Variants in MAP7D3 observed in about 807,000 individuals in gnomAD.
MAP7D3 encodes MAP7 domain containing 3.
In MAP7D3, 45 loss-of-function variants were observed where a neutral mutation model predicts 62.2. The observed-to-expected ratio is 0.72, with a 90% CI of 0.57 to 0.93. MAP7D3 has a LOEUF of 0.93. Ranked by LOEUF, MAP7D3 falls within the 40% of genes least tolerant of loss-of-function variation. MAP7D3 has a pLI of 0.00. For synonymous variants in MAP7D3, 288 were observed against 248.8 expected, an observed-to-expected ratio of 1.16 and a Z score of -1.48; for missense variants, 711 against 683.1, an observed-to-expected ratio of 1.04 and a Z score of -0.45.
At chrX:136,256,127 T>C, upstream of MAP7D3, 1 of 749,416 alleles carries the variant, frequency 1.3e-6, no homozygotes, top group Non-Finnish European at 1.6e-6. Flanking sequence ...GACAAGGCTC[T>C]GGTTTTGTGT....
chrX:136,226,534 A>G (rs549904081), intron 12 of MAP7D3, among the ~76,000 whole-genome samples: 1 of 112,060 alleles, frequency 8.9e-6, no homozygotes, highest in Admixed American at 9.5e-5. Context: ...TTGACTTTAG[A>G]TAGATGAGAC....
intron 1 of MAP7D3, among the ~76,000 whole-genome samples, chrX:136,250,837 G>A (rs2074497306): frequency 9.0e-6 from 1 of 111,559 alleles, no homozygotes; most frequent in Non-Finnish European, 1.9e-5. Flanking sequence ...GCGCCGGCGC[G>A]CGGAGTCCCT....
At position 136,217,387 on chromosome X, in the gene MAP7D3, A is replaced by C. The variant is rs758829146; in HGVS notation, c.*1139T>G. 2.7e-5 allele frequency: 3 copies of C among 111,862 alleles called. No individual in the cohort carries two copies. Among genetic ancestry groups the C allele is most frequent in the Non-Finnish European group, 5.6e-5 (3 of 53,147 alleles). 9.2% of individuals were successfully genotyped at this position (111,862 alleles called of 1,213,427 possible). ...AATTAAACATACCCCACGGGACAAC[A>C]GCCATATACTCCTTTATGTACACAA... On this transcript the variant is annotated 3_prime_UTR_variant, in exon 19 of 19. Coordinates refer to ENST00000316077, the MANE Select transcript of MAP7D3 (RefSeq NM_024597.4).
intron 4 of MAP7D3, among the ~76,000 whole-genome samples, 169 bp from the exon 5 acceptor site, chrX:136,241,446 C>A (rs1334871965): frequency 9.0e-6 from 1 of 111,595 alleles, no homozygotes; most frequent in Non-Finnish European, 1.9e-5. Flanking sequence ...TCCTAAATAA[C>A]TCATTTTTTT....
chrX:136,253,878 C>T (rs1377293783), upstream of MAP7D3, among the ~76,000 whole-genome samples: 2 of 109,217 alleles, frequency 1.8e-5, no homozygotes, highest in Admixed American at 1.9e-4. Context: ...TGTAGTGGCA[C>T]ATGCCTGTAA....
Position 136,241,813 on chromosome X carries a change from A to G in MAP7D3, c.418-536T>C, listed in dbSNP as rs773875025. On this transcript the variant is annotated intron_variant, in intron 4 of 18. Transcript: ENST00000316077. ...AGCTAAAATTCTGGTGTTAACTAAT[A>G]AAAATAAAGTTTCAAAAAAGATAAT... 6.2e-4 allele frequency among the ~76,000 whole-genome samples: 69 copies of G among 111,457 alleles called. 1 individual carries two copies. Among genetic ancestry groups the G allele is most frequent in the African/African-American group, 2.2e-3 (67 of 30,717 alleles).
intron 2 of MAP7D3, 36 bp from the exon 3 acceptor site, chrX:136,246,184 A>G (rs777747854): frequency 3.5e-6 from 4 of 1,128,472 alleles, no homozygotes; most frequent in Non-Finnish European, 2.4e-6. Flanking sequence ...TATTAATAGG[A>G]TATCAAATTT....
intron 10 of MAP7D3, 87 bp from the exon 11 acceptor site, chrX:136,228,845 AAT>A (rs768732820): frequency 5.6e-5 from 42 of 743,555 alleles, no homozygotes; most frequent in Admixed American, 1.1e-4. Flanking sequence ...AAAACATTAA[AAT>A]ATATATATAT....
At chrX:136,239,719 T>A (rs1279946088) in intron 6 of MAP7D3, among the ~76,000 whole-genome samples, 1 of 112,581 alleles carries the variant, frequency 8.9e-6, no homozygotes, top group African/African-American at 3.2e-5. Flanking sequence ...TAATGGAAAT[T>A]GAATAACTGT....
intron 9 of MAP7D3, 69 bp downstream of exon 9, chrX:136,230,770 A>G (rs2074257321): frequency 1.0e-5 from 11 of 1,100,145 alleles, no homozygotes; most frequent in Non-Finnish European, 1.2e-5. Context: ...TATTTCACTC[A>G]TCAAACATTG....
chrX:136,219,914 G>A (rs989062116), intron 16 of MAP7D3, among the ~76,000 whole-genome samples: 1 of 111,265 alleles, frequency 9.0e-6, no homozygotes, highest in African/African-American at 3.3e-5. Flanking sequence ...TAAGCACGCA[G>A]GACTCCAGAA....
chrX:136,244,209 T>A (rs1031663983), intron 4 of MAP7D3, among the ~76,000 whole-genome samples: 10 of 111,247 alleles, frequency 9.0e-5, no homozygotes, highest in Non-Finnish European at 1.3e-4. Flanking sequence ...GTCACACTTT[T>A]AAAGGAGTTG....
chrX:136,227,772 T>G (rs1344353310), intron 11 of MAP7D3, among the ~76,000 whole-genome samples: 1 of 111,121 alleles, frequency 9.0e-6, no homozygotes, highest in Non-Finnish European at 1.9e-5. Context: ...ACACCCAATC[T>G]CTCGTGGGGG....
At chrX:136,226,326 C>G (rs1245135640) in intron 12 of MAP7D3, among the ~76,000 whole-genome samples, 1 of 111,319 alleles carries the variant, frequency 9.0e-6, no homozygotes, top group Non-Finnish European at 1.9e-5. Context: ...GAGCCAACAG[C>G]CTGACATTTC....
At chrX:136,229,003 C>A in intron 10 of MAP7D3, 1 of 200,578 alleles carries the variant, frequency 5.0e-6, no homozygotes, top group Non-Finnish European at 9.0e-6. Flanking sequence ...TGTACTTCTA[C>A]TTTCGTTTTA....
intron 1 of MAP7D3, among the ~76,000 whole-genome samples, chrX:136,246,800 G>A (rs908776998): frequency 5.3e-5 from 6 of 112,409 alleles, no homozygotes; most frequent in Non-Finnish European, 1.1e-4. Flanking sequence ...AGTGTTAACA[G>A]TGAAATACTC....
At chrX:136,233,433 C>A (rs1267578423) in intron 7 of MAP7D3, among the ~76,000 whole-genome samples, 2 of 107,408 alleles carry the variant, frequency 1.9e-5, no homozygotes, top group African/African-American at 3.4e-5. Flanking sequence ...TGCCACCACA[C>A]CCGGAAAATT....
rs758794142 is a variant in MAP7D3 at position 136,242,290 on chromosome X, T to C, written c.418-1013A>G. ...AAAAACAAAGATTAACTTTGTATTA[T>C]TAAACTATTTCTGATTCTATTCCAC... On this transcript the variant is annotated intron_variant, in intron 4 of 18. Coordinates refer to ENST00000316077, the MANE Select transcript of MAP7D3 (RefSeq NM_024597.4). 5.8e-4 allele frequency among the ~76,000 whole-genome samples: 65 copies of C among 112,351 alleles called. 1 individual carries two copies. The highest frequency in any genetic ancestry group is 2.0e-3 in the African/African-American group (63 of 30,974).
intron 6 of MAP7D3, 93 bp downstream of exon 6, chrX:136,240,289 T>C (rs2074374471): frequency 7.4e-6 from 4 of 541,436 alleles, no homozygotes. Context: ...TAAACATAAA[T>C]GTTCCACAAT....
Sources: allele counts gnomAD v4.1 joint callset (sites outside exome capture counted in the v4.1 genomes callset), GRCh38; gene constraint gnomAD v4.1.1; transcripts MANE v1.5; gene names NCBI Gene and HGNC (gene_info 2026-07-23, HGNC 2026-07-21).